Variants in ADAM17 observed in about 807,000 individuals in gnomAD.
ADAM17 encodes the protein ADAM metallopeptidase domain 17, also known as disintegrin and metalloproteinase domain-containing protein 17.
A neutral mutation model predicts 96.7 loss-of-function variants in ADAM17; 39 were observed. The ratio of observed to expected loss-of-function variants is 0.40; its 90% CI spans 0.31 to 0.53. The LOEUF (loss-of-function observed/expected upper bound fraction) is 0.53, where lower values mean the gene tolerates loss of function less well. Among genes scored for constraint, ADAM17 ranks in the 20% least tolerant of loss-of-function variants. ADAM17 has a pLI of 0.44. For missense variants in ADAM17, 777 were observed against 1,013.2 expected (o/e 0.77, Z 3.17); for synonymous variants, 344 against 359.2 (o/e 0.96, Z 0.48).
intron 10 of ADAM17, among the ~76,000 whole-genome samples, chr2:9,515,735 C>CAAA (rs56888068): frequency 3.0e-4 from 35 of 118,088 alleles, no homozygotes; most frequent in African/African-American, 1.1e-3. Flanking sequence ...ACTCCGTCTC[C>CAAA]AAAAAAAAAA....
intron 12 of ADAM17, among the ~76,000 whole-genome samples, chr2:9,504,948 C>G (rs1345268194): frequency 6.6e-6 from 1 of 152,060 alleles, no homozygotes; most frequent in Non-Finnish European, 1.5e-5. Context: ...AAGCATTTCT[C>G]CCACCTCAGC....
intron 13 of ADAM17, among the ~76,000 whole-genome samples, chr2:9,500,167 GAATA>G (rs1412998997): frequency 2.6e-5 from 4 of 152,104 alleles, no homozygotes; most frequent in African/African-American, 7.2e-5. Context: ...ACCAATGAAT[GAATA>G]AACAAAATGT....
Position 9,518,227 on chromosome 2 carries a change from A to G in ADAM17, c.978T>C (p.Ala326=). The G allele has an allele frequency of 6.6e-7, 1 of 1,520,664 alleles. No homozygotes were observed. The highest frequency in any genetic ancestry group is 8.8e-7 in the Non-Finnish European group (1 of 1,137,574). The allele number at this position is 1,520,664 out of a possible 1,614,324, so 94.2% of individuals were successfully genotyped here. A position where few individuals can be genotyped will look rare whatever the true frequency, so the allele number is the denominator to read the frequency against. Residue 326 remains alanine, a synonymous_variant, in exon 9 of 19, where the codon GCT becomes GCC. Coordinates refer to ENST00000310823, the MANE Select transcript of ADAM17 (RefSeq NM_003183.6). The part of the protein sequence containing the change: ...MLLEQFSFDI[A]EEASKVCLAH... ...CCAAGCAAACTTTAGATGCTTCCTCAGCTATATCAAAGCTAAATTGCTTTG... is the reference window on the plus strand; with the variant it reads ...CCAAGCAAACTTTAGATGCTTCCTCGGCTATATCAAAGCTAAATTGCTTTG...
chr2:9,553,036 G>C (rs1353904109), intron 1 of ADAM17, among the ~76,000 whole-genome samples: 1 of 152,036 alleles, frequency 6.6e-6, no homozygotes, highest in East Asian at 1.9e-4. Flanking sequence ...GTAAGGTTAA[G>C]TAACAAATTA....
At chr2:9,499,113 C>CTTTT (rs59259119) in intron 13 of ADAM17, among the ~76,000 whole-genome samples, 47 of 47,526 alleles carry the variant, frequency 9.9e-4, no homozygotes, top group African/African-American at 1.8e-3. Context: ...CTTTCTTCTT[C>CTTTT]TTTTTTTTTT....
chr2:9,526,337 A>G, intron 5 of ADAM17, 93 bp from the exon 6 acceptor site: 1 of 1,321,946 alleles, frequency 7.6e-7, no homozygotes, highest in South Asian at 1.5e-5. Context: ...TTTGAAACAA[A>G]CATTATGTGA....
At chr2:9,493,872 A>T in intron 15 of ADAM17, 47 bp from the exon 16 acceptor site, 2 of 1,484,654 alleles carry the variant, frequency 1.3e-6, no homozygotes, top group Non-Finnish European at 1.9e-6. Flanking sequence ...AACACAATGT[A>T]TTCAGAAGCA....
At chr2:9,514,933 A>G (rs951704011) in intron 10 of ADAM17, among the ~76,000 whole-genome samples, 12 of 152,128 alleles carry the variant, frequency 7.9e-5, no homozygotes, top group Non-Finnish European at 1.3e-4. Flanking sequence ...GGGTATTCAC[A>G]GTTGCATTTA....
rs1298413299 is a variant in ADAM17 at position 9,492,201 on chromosome 2, AGTCT to A, written c.2082+693_2082+696del. 2.0e-5 allele frequency among the ~76,000 whole-genome samples: 3 copies of A among 150,884 alleles called. No homozygotes were observed. In the South Asian group the frequency reaches 6.2e-4, roughly 31 times the overall value. On this transcript the variant is annotated intron_variant, in intron 17 of 18. Transcript: ENST00000310823. ...CACTATGAAAGAGTTTGGGAAAACA[AGTCT>A]GGAAGCCTGGGTGTGACTTTCTCAT...
intron 16 of ADAM17, 48 bp downstream of exon 16, chr2:9,493,699 A>C: frequency 6.6e-7 from 1 of 1,515,238 alleles, no homozygotes; most frequent in Non-Finnish European, 9.2e-7. Context: ...TAATGTCATC[A>C]CAGAAATTGA....
chr2:9,521,255 T>A lies in ADAM17; in HGVS notation c.905A>T (p.Lys302Ile). ...KPGEKHYNMA[K>I]SYPNEEKDAW... The stretch of plus-strand genomic sequence containing the variant: ...ATCCTTTTCTTCATTTGGGTAACTT[T>A]TTGCCATGTTGTAGTGCTTTTCACC... Residue 302 changes from lysine to isoleucine, a missense_variant, in exon 8 of 19, where the codon AAA (lysine) becomes ATA (isoleucine). By Grantham distance (102) the Lys-to-Ile change is moderately radical (BLOSUM62 -3). Coordinates refer to ENST00000310823, the MANE Select transcript of ADAM17 (RefSeq NM_003183.6). 1 of 1,613,152 alleles carries A rather than the reference T, an allele frequency of 6.2e-7. No homozygotes were observed. The highest frequency in any genetic ancestry group is 1.1e-5 in the South Asian group (1 of 91,072).
chr2:9,491,040 C>A, intron 18 of ADAM17, 61 bp downstream of exon 18: 2 of 1,495,716 alleles, frequency 1.3e-6, no homozygotes, highest in South Asian at 2.4e-5. Flanking sequence ...AGGTGAAGGT[C>A]TTTGCCTAAC....
In ADAM17 at chr2:9,509,966, G is replaced by A. The variant is rs1332196544; in HGVS notation, c.1344+13C>T. The A allele has an allele frequency of 7.4e-6, 12 of 1,612,734 alleles. No homozygotes were observed. The highest frequency in any genetic ancestry group is 5.0e-5 in the Admixed American group (3 of 59,906). ...TTTCCAAACCACATAAAAAATTCTC[G>A]ACACACACATACCTTATTGTTCTCG... is the stretch of plus-strand genomic sequence containing the variant. On this transcript the variant is annotated intron_variant, in intron 11 of 18. Coordinates refer to ENST00000310823, the MANE Select transcript of ADAM17 (RefSeq NM_003183.6).
intron 17 of ADAM17, among the ~76,000 whole-genome samples, chr2:9,492,676 A>G (rs1333992619): frequency 6.6e-6 from 1 of 152,238 alleles, no homozygotes; most frequent in Admixed American, 6.5e-5. Context: ...TAAGAAATTT[A>G]TATATTAAAA....
intron 2 of ADAM17, among the ~76,000 whole-genome samples, chr2:9,539,778 C>T (rs986739554): frequency 1.3e-5 from 2 of 152,168 alleles, no homozygotes; most frequent in African/African-American, 4.8e-5. Flanking sequence ...GTCTGACAAA[C>T]TTGGCTTAAG....
intron 4 of ADAM17, among the ~76,000 whole-genome samples, chr2:9,533,974 C>T (rs907710508): frequency 2.6e-5 from 4 of 152,200 alleles, no homozygotes; most frequent in Non-Finnish European, 5.9e-5. Flanking sequence ...TTTAACTTCC[C>T]AGACTATTAC....
intron 2 of ADAM17, among the ~76,000 whole-genome samples, chr2:9,537,753 T>G (rs1665020891): frequency 6.6e-6 from 1 of 151,806 alleles, no homozygotes; most frequent in Non-Finnish European, 1.5e-5. Flanking sequence ...TCGTGCTTTT[T>G]TTCCTCCTCA....
At chr2:9,550,136 T>G (rs1572963429) in intron 1 of ADAM17, among the ~76,000 whole-genome samples, 1 of 151,990 alleles carries the variant, frequency 6.6e-6, no homozygotes, top group African/African-American at 2.4e-5. Flanking sequence ...AAGTGTCAGG[T>G]GCGGGTTGTT....
At chr2:9,508,017 G>A (rs1044665716) in intron 11 of ADAM17, among the ~76,000 whole-genome samples, 2 of 152,184 alleles carry the variant, frequency 1.3e-5, no homozygotes, top group Admixed American at 6.5e-5. Context: ...TCACTGGCAA[G>A]TTCTTACAGG....
Sources: gnomAD v4.1 joint callset for allele counts (sites outside exome capture counted in the v4.1 genomes callset) on GRCh38, gnomAD v4.1.1 for gene constraint, MANE v1.5 for transcripts, NCBI Gene and HGNC (gene_info 2026-07-23, HGNC 2026-07-21) for gene names.